The following GPT2 variants were observed in gnomAD, a reference collection of about 807,000 sequenced individuals.
The protein encoded by GPT2 is glutamic--pyruvic transaminase 2, also known as alanine aminotransferase 2.
GPT2 carries 30 observed loss-of-function variants against 56.9 expected under a neutral mutation model. The observed-to-expected ratio is 0.53, with a 90% CI of 0.39 to 0.72. The LOEUF (loss-of-function observed/expected upper bound fraction) is 0.72. Ranked by LOEUF, GPT2 falls within the 30% of genes least tolerant of loss-of-function variation. The pLI, the probability that GPT2 is intolerant of heterozygous loss-of-function variation, is 0.00. For synonymous variants in GPT2, 271 were observed against 283.1 expected, an observed-to-expected ratio of 0.96 and a Z score of 0.43; for missense variants, 542 against 703.4, an observed-to-expected ratio of 0.77 and a Z score of 2.60.
At chr16:46,885,314 A>G in intron 2 of GPT2, 1 of 935,212 alleles carries the variant, frequency 1.1e-6, no homozygotes, top group Non-Finnish European at 1.3e-6. Context: ...AGTCTCAGTG[A>G]TAAGTTCTTG....
intron 3 of GPT2, among the ~76,000 whole-genome samples, chr16:46,900,161 T>A (rs1013947057): frequency 5.3e-5 from 8 of 151,958 alleles, no homozygotes; most frequent in African/African-American, 1.9e-4. Flanking sequence ...ATCCTCTTAA[T>A]TTGTGGGGTT....
At chr16:46,906,599 AGTGGATGAGTGGATGGATGTGTGG>A (rs1443821866) in intron 4 of GPT2, among the ~76,000 whole-genome samples, 2 of 151,860 alleles carry the variant, frequency 1.3e-5, no homozygotes, top group African/African-American at 4.8e-5. Context: ...TGGGTGAGTG[AGTGGATGAGTGGATGGATGTGTGG>A]GTGGATGAGT....
intron 2 of GPT2, among the ~76,000 whole-genome samples, chr16:46,892,643 C>T (rs1156943024): frequency 6.6e-6 from 1 of 152,130 alleles, no homozygotes; most frequent in Non-Finnish European, 1.5e-5. Context: ...GATGATATCT[C>T]ATTGTGGCTT....
At chr16:46,901,132 C>T (rs1960809201) in intron 4 of GPT2, among the ~76,000 whole-genome samples, 1 of 152,210 alleles carries the variant, frequency 6.6e-6, no homozygotes, top group South Asian at 2.1e-4. Context: ...AAACGCAGTG[C>T]TCAGTTTTGT....
intron 4 of GPT2, among the ~76,000 whole-genome samples, chr16:46,906,247 T>A (rs973601134): frequency 2.0e-5 from 3 of 152,090 alleles, no homozygotes; most frequent in East Asian, 1.9e-4. Context: ...TGATTTTGTA[T>A]TTTTTGTAGA....
intron 3 of GPT2, among the ~76,000 whole-genome samples, chr16:46,898,638 C>CT (rs1005245618): frequency 6.6e-6 from 1 of 152,006 alleles, no homozygotes; most frequent in African/African-American, 2.4e-5. Flanking sequence ...CAACCTCCAC[C>CT]TCCTGGGTTC....
intron 6 of GPT2, chr16:46,915,740 C>G (rs1344384232): frequency 6.7e-6 from 1 of 149,492 alleles, no homozygotes; most frequent in African/African-American, 2.5e-5. Flanking sequence ...CACCCACACA[C>G]ACACTACAGA....
At chr16:46,924,304 C>A in intron 9 of GPT2, 85 bp from the exon 10 acceptor site, 1 of 1,472,604 alleles carries the variant, frequency 6.8e-7, no homozygotes, top group Non-Finnish European at 9.5e-7. Flanking sequence ...CTGGGATTTC[C>A]GCAAGTGCTG....
intron 6 of GPT2, among the ~76,000 whole-genome samples, chr16:46,913,849 G>A (rs536962152): frequency 6.6e-6 from 1 of 152,258 alleles, no homozygotes; most frequent in Admixed American, 6.5e-5. Flanking sequence ...GAGGTTGGTG[G>A]ATGGCCTGAG....
chr16:46,906,588 C>G (rs1052254467), intron 4 of GPT2, among the ~76,000 whole-genome samples: 1 of 151,968 alleles, frequency 6.6e-6, no homozygotes, highest in Non-Finnish European at 1.5e-5. Context: ...TCAGTCAGTA[C>G]TGGGTGAGTG....
At chr16:46,916,908 A>G (rs1961179472) in intron 7 of GPT2, among the ~76,000 whole-genome samples, 1 of 152,224 alleles carries the variant, frequency 6.6e-6, no homozygotes, top group Non-Finnish European at 1.5e-5. Flanking sequence ...TCTTGGTTGT[A>G]AATTTCAGAA....
chr16:46,900,754 C>G lies in GPT2; in HGVS notation c.406C>G (p.Arg136Gly), dbSNP rs373687448. ...CCCAGAAGATGCTAAGAAACGTGCC[C>G]GGCGGATCCTGCAGGCTTGTGGCGG... ...SFPEDAKKRA[R>G]RILQACGGNS... The change falls in exon 4 of 12, where the codon CGG (arginine) becomes GGG (glycine). Residue 136 changes from arginine (R) to glycine (G), a missense_variant. Physicochemically the swap from Arg to Gly is moderately radical, Grantham distance 125 (BLOSUM62 -2). Transcript: ENST00000340124. 5.0e-6 allele frequency: 8 copies of G among 1,614,082 alleles called. No homozygotes were observed. In the South Asian group the frequency reaches 5.5e-5, roughly 11 times the overall value.
intron 6 of GPT2, 163 bp from the exon 7 acceptor site, chr16:46,916,465 C>T: frequency 1.5e-6 from 1 of 657,536 alleles, no homozygotes; most frequent in Non-Finnish European, 2.8e-6. Context: ...AGGCCGACTA[C>T]ACCATCATGC....
In GPT2 at chr16:46,929,726, C is replaced by A. The variant is rs925579039; in HGVS notation, c.*729C>A. 2.0e-5 allele frequency: 3 copies of A among 152,542 alleles called. No homozygotes were observed. The highest frequency in any genetic ancestry group is 4.8e-5 in the African/African-American group (2 of 41,474). 9.4% of individuals were successfully genotyped at this position (152,542 alleles called of 1,614,324 possible). A position where few individuals can be genotyped will look rare whatever the true frequency, so the allele number is the denominator to read the frequency against. Reference sequence around the variant, plus strand: ...TTTGGGAATGAGGGGTTCCCTTGAACATGCGTAGGCTGGAACCCCGTCTGA... The same window carrying A: ...TTTGGGAATGAGGGGTTCCCTTGAAAATGCGTAGGCTGGAACCCCGTCTGA... On this transcript the variant is annotated 3_prime_UTR_variant, in exon 12 of 12. Transcript: ENST00000340124.
At chr16:46,921,634 A>G (rs887833585) in intron 8 of GPT2, among the ~76,000 whole-genome samples, 6 of 152,098 alleles carry the variant, frequency 3.9e-5, no homozygotes, top group Non-Finnish European at 8.8e-5. Flanking sequence ...AAGGAGATGT[A>G]TGTTGCTGAT....
intron 3 of GPT2, among the ~76,000 whole-genome samples, chr16:46,898,216 G>C (rs1184199121): frequency 1.3e-5 from 2 of 152,286 alleles, no homozygotes; most frequent in South Asian, 4.1e-4. Flanking sequence ...GGAGATTGCC[G>C]GGCCTTGGTG....
At chr16:46,920,078 G>T (rs1312126397) in intron 8 of GPT2, among the ~76,000 whole-genome samples, 1 of 152,206 alleles carries the variant, frequency 6.6e-6, no homozygotes, top group Non-Finnish European at 1.5e-5. Flanking sequence ...AGGTTTGGTG[G>T]TGCGCGCTTC....
At chr16:46,922,516 T>A (rs1961312408) in intron 9 of GPT2, 100 bp downstream of exon 9, 7 of 1,173,712 alleles carry the variant, frequency 6.0e-6, no homozygotes, top group Admixed American at 4.8e-5. Flanking sequence ...GACAGCAGCC[T>A]CCTGAGGGTG....
At chr16:46,892,631 G>A (rs1390546773) in intron 2 of GPT2, among the ~76,000 whole-genome samples, 3 of 152,170 alleles carry the variant, frequency 2.0e-5, no homozygotes, top group Admixed American at 2.0e-4. Flanking sequence ...TAACAAGTAT[G>A]AGATGATATC....
Sources: gnomAD v4.1 joint callset for allele counts (sites outside exome capture counted in the v4.1 genomes callset) on GRCh38, gnomAD v4.1.1 for gene constraint, MANE v1.5 for transcripts, NCBI Gene and HGNC (gene_info 2026-07-23, HGNC 2026-07-21) for gene names.